Variants in UTY observed in about 807,000 individuals in gnomAD.
The protein encoded by UTY is histone demethylase UTY.
A neutral mutation model predicts 32.5 loss-of-function variants in UTY; 12 were observed. That is an observed-to-expected ratio of 0.37 (90% confidence interval 0.24 to 0.60). The LOEUF is 0.60. Among genes scored for constraint, UTY ranks in the 20% least tolerant of loss-of-function variants. UTY has a pLI of 0.69. For missense variants in UTY, 303 were observed against 299.2 expected, an observed-to-expected ratio of 1.01 and a Z score of -0.09; for synonymous variants, 131 against 103.4, an observed-to-expected ratio of 1.27 and a Z score of -1.62.
intron 5 of UTY, among the ~76,000 whole-genome samples, chrY:13,413,457 C>T: frequency 3.0e-5 from 1 of 33,852 alleles, no homozygotes. Context: ...GCACACAACC[C>T]CGTTCGCTGG....
At chrY:13,479,111 C>T in intron 2 of UTY, 143 bp downstream of exon 2, 1 of 165,434 alleles carries the variant, frequency 6.0e-6, no homozygotes, top group Non-Finnish European at 1.1e-5. Flanking sequence ...TTCCAGAGTA[C>T]GGGGACAGCA....
intron 4 of UTY, among the ~76,000 whole-genome samples, chrY:13,424,518 A>C: frequency 3.0e-5 from 1 of 33,026 alleles, no homozygotes; most frequent in Non-Finnish European, 7.5e-5. Context: ...GGAGGTCAAG[A>C]CCATCCTGGC....
At chrY:13,419,006 A>G in intron 4 of UTY, among the ~76,000 whole-genome samples, 1 of 33,256 alleles carries the variant, frequency 3.0e-5, no homozygotes, top group Non-Finnish European at 7.4e-5. Flanking sequence ...CCTGTGGAAG[A>G]GCTAGACACA....
At chrY:13,367,706 T>C (rs553883535) in intron 9 of UTY, among the ~76,000 whole-genome samples, 720 of 33,260 alleles carry the variant, frequency 0.022, no homozygotes, top group Middle Eastern at 0.041. Flanking sequence ...CAACAAACAT[T>C]AACCCAAATA....
intron 2 of UTY, among the ~76,000 whole-genome samples, chrY:13,473,747 C>G (rs2078753979): frequency 3.0e-5 from 1 of 33,315 alleles, no homozygotes; most frequent in African/African-American, 1.2e-4. Context: ...CACACAAAAC[C>G]ATTTGAAAAT....
intron 10 of UTY, among the ~76,000 whole-genome samples, chrY:13,364,509 C>T (rs2063896389): frequency 6.1e-5 from 2 of 32,862 alleles, no homozygotes; most frequent in Non-Finnish European, 1.5e-4. Context: ...GTATTATAGT[C>T]GCCTGCTCAC....
At chrY:13,446,583 T>C (rs1465995499) in intron 4 of UTY, among the ~76,000 whole-genome samples, 9 of 21,751 alleles carry the variant, frequency 4.1e-4, no homozygotes, top group Non-Finnish European at 7.2e-4. Flanking sequence ...GATAGATAGA[T>C]AGATAGATAG....
intron 18 of UTY, among the ~76,000 whole-genome samples, chrY:13,331,987 C>T (rs2060729591): frequency 2.9e-5 from 1 of 33,932 alleles, no homozygotes; most frequent in African/African-American, 1.1e-4. Context: ...GGAAAAAGCA[C>T]TTCAGGATAA....
intron 4 of UTY, among the ~76,000 whole-genome samples, chrY:13,443,261 C>T (rs1027327487): frequency 3.3e-4 from 11 of 33,366 alleles, no homozygotes; most frequent in Non-Finnish European, 5.2e-4. Context: ...GTTGCAGCTG[C>T]GGGCTTATCT....
At chrY:13,239,500 C>A (rs2053878693) in intron 28 of UTY, among the ~76,000 whole-genome samples, 1 of 32,548 alleles carries the variant, frequency 3.1e-5, no homozygotes, top group Non-Finnish European at 7.6e-5. Flanking sequence ...AGATGCGACA[C>A]AAAAAAAATC....
chrY:13,408,664 T>C lies in UTY; in HGVS notation c.555+2329A>G. ...TAAATGCCAAGTACTTACAGCAATA[T>C]ACAGAAATATCTCTTCCTCAGTTAA... On this transcript the variant is annotated intron_variant, in intron 6 of 29. Transcript: ENST00000545955. Among the ~76,000 whole-genome samples the C allele has an allele frequency of 9.2e-5, 3 of 32,688 alleles. No individual in the cohort carries two copies. In the East Asian group the frequency reaches 2.3e-3, roughly 25 times the overall value. 87.7% of individuals were successfully genotyped at this position (32,688 alleles called of 37,273 possible).
At chrY:13,341,504 C>G in intron 17 of UTY, among the ~76,000 whole-genome samples, 1 of 32,250 alleles carries the variant, frequency 3.1e-5, no homozygotes, top group Non-Finnish European at 7.6e-5. Context: ...GAATGAATAC[C>G]CAGAAAGAGA....
intron 2 of UTY, among the ~76,000 whole-genome samples, chrY:13,474,939 A>G (rs2078903309): frequency 2.9e-5 from 1 of 34,041 alleles, no homozygotes; most frequent in African/African-American, 1.1e-4. Context: ...GAGTAAAAGA[A>G]TAGCAAAGTA....
At chrY:13,441,663 C>A (rs2075184807) in intron 4 of UTY, among the ~76,000 whole-genome samples, 1 of 33,647 alleles carries the variant, frequency 3.0e-5, no homozygotes, top group Non-Finnish European at 7.4e-5. Context: ...TCAAGGCCAT[C>A]TCATTTCATC....
In UTY at chrY:13,304,235, A is replaced by T. The variant is rs1202884478; in HGVS notation, c.3565+1164T>A. ...TCTGAAGACAAAAGAAATTTTTTGA[A>T]TTGCAAATAGTATCAAGCTGCTTTT... On this transcript the variant is annotated intron_variant, in intron 24 of 29. Coordinates refer to ENST00000545955, the MANE Select transcript of UTY (RefSeq NM_001258249.2). 7.7e-5 allele frequency: 8 copies of T among 104,013 alleles called. No individual in the cohort carries two copies. The Admixed American group carries it at 1.1e-3, about 15-fold the overall frequency. The allele number at this position is 104,013 out of a possible 400,897, so 25.9% of individuals were successfully genotyped here.
chrY:13,449,702 A>G (rs2076169036), intron 3 of UTY, among the ~76,000 whole-genome samples: 1 of 33,525 alleles, frequency 3.0e-5, no homozygotes, highest in Non-Finnish European at 7.4e-5. Context: ...ACTTTATCCA[A>G]TCAACTCAGA....
At chrY:13,433,718 A>G (rs2149874547) in intron 4 of UTY, among the ~76,000 whole-genome samples, 1 of 34,128 alleles carries the variant, frequency 2.9e-5, no homozygotes, top group East Asian at 7.6e-4. Context: ...AAATAAATCT[A>G]CATCAAACAA....
At chrY:13,366,754 G>A in intron 9 of UTY, among the ~76,000 whole-genome samples, 2 of 34,424 alleles carry the variant, frequency 5.8e-5, no homozygotes, top group Admixed American at 2.6e-4. Context: ...CATGCAGTGA[G>A]AGAAATTCAA....
At chrY:13,468,629 G>A (rs2078141020) in intron 3 of UTY, among the ~76,000 whole-genome samples, 1 of 32,138 alleles carries the variant, frequency 3.1e-5, no homozygotes, top group South Asian at 7.0e-4. Flanking sequence ...GCAGTGAGCC[G>A]AGATGGCGCC....
Sources: gnomAD v4.1 joint callset for allele counts (sites outside exome capture counted in the v4.1 genomes callset) on GRCh38, gnomAD v4.1.1 for gene constraint, MANE v1.5 for transcripts, NCBI Gene and HGNC (gene_info 2026-07-23, HGNC 2026-07-21) for gene names.